Variants in ITFG1 observed in about 807,000 individuals in gnomAD.
ITFG1 encodes the protein integrin alpha FG-GAP repeat containing 1.
Under a neutral mutation model 81.8 loss-of-function variants are expected in ITFG1, and 34 were observed. That is an observed-to-expected ratio of 0.42 (90% confidence interval 0.32 to 0.55). The LOEUF (loss-of-function observed/expected upper bound fraction) is 0.55. ITFG1 is among the 20% of genes least tolerant of loss of function. The pLI, the probability that ITFG1 is intolerant of heterozygous loss-of-function variation, is 0.17. For synonymous variants in ITFG1, 285 were observed against 270.6 expected, an observed-to-expected ratio of 1.05 and a Z score of -0.52; for missense variants, 672 against 755.4, an observed-to-expected ratio of 0.89 and a Z score of 1.29.
chr16:47,339,209 G>A (rs189596317), intron 8 of ITFG1, among the ~76,000 whole-genome samples: 324 of 152,266 alleles, frequency 2.1e-3, no homozygotes, highest in African/African-American at 7.5e-3. Context: ...ATCTGTTGAT[G>A]GACTTCCATA....
intron 7 of ITFG1, among the ~76,000 whole-genome samples, chr16:47,367,335 ACTGGTGATTACTTTAAC>A (rs1968190111): frequency 6.6e-6 from 1 of 152,166 alleles, no homozygotes; most frequent in Non-Finnish European, 1.5e-5. Flanking sequence ...ACCGCTGGCC[ACTGGTGATTACTTTAAC>A]CTTCAGACTC....
chr16:47,357,993 A>G (rs1968063037), intron 8 of ITFG1, among the ~76,000 whole-genome samples: 1 of 152,226 alleles, frequency 6.6e-6, no homozygotes. Context: ...GCTACAAGGT[A>G]GAAACTCAGG....
chr16:47,440,543 C>T (rs549071797), intron 5 of ITFG1, among the ~76,000 whole-genome samples: 36 of 152,162 alleles, frequency 2.4e-4, no homozygotes, highest in African/African-American at 7.0e-4. Context: ...CACTCAAAAC[C>T]GCTCAACTAC....
chr16:47,368,471 C>T (rs942882047), intron 7 of ITFG1, among the ~76,000 whole-genome samples: 38 of 134,122 alleles, frequency 2.8e-4, no homozygotes, highest in African/African-American at 9.0e-4. Context: ...AGGAGAATCA[C>T]GTGAACCTGG....
At chr16:47,371,008 A>G (rs1175496084) in intron 7 of ITFG1, among the ~76,000 whole-genome samples, 1 of 152,236 alleles carries the variant, frequency 6.6e-6, no homozygotes, top group Non-Finnish European at 1.5e-5. Flanking sequence ...CTTTGACTGC[A>G]GCATTTCTTA....
chr16:47,372,466 T>TA (rs1968269698), intron 7 of ITFG1, among the ~76,000 whole-genome samples: 1 of 151,910 alleles, frequency 6.6e-6, no homozygotes, highest in Admixed American at 6.6e-5. Flanking sequence ...TTTTTTTTTT[T>TA]TTTATTTTTT....
intron 8 of ITFG1, among the ~76,000 whole-genome samples, chr16:47,323,398 C>T (rs1967478744): frequency 6.6e-6 from 1 of 152,052 alleles, no homozygotes; most frequent in Non-Finnish European, 1.5e-5. Flanking sequence ...GGCTCAGCCC[C>T]CTAGTAATTT....
intron 8 of ITFG1, among the ~76,000 whole-genome samples, chr16:47,325,328 T>G (rs1967518515): frequency 6.6e-6 from 1 of 152,196 alleles, no homozygotes. Flanking sequence ...CAAAGCAGTG[T>G]GTAGAGGGAA....
At chr16:47,402,373 T>C (rs1010502161) in intron 6 of ITFG1, among the ~76,000 whole-genome samples, 1 of 152,246 alleles carries the variant, frequency 6.6e-6, no homozygotes, top group African/African-American at 2.4e-5. Context: ...ATTCTTATTA[T>C]AGTTCTGTCA....
intron 10 of ITFG1, among the ~76,000 whole-genome samples, chr16:47,265,848 T>G (rs1966269260): frequency 6.6e-6 from 1 of 152,082 alleles, no homozygotes; most frequent in African/African-American, 2.4e-5. Context: ...CAACTATATA[T>G]TGCCTCCAAT....
chr16:47,350,118 A>T (rs183817350), intron 8 of ITFG1, among the ~76,000 whole-genome samples: 1 of 152,358 alleles, frequency 6.6e-6, no homozygotes, highest in African/African-American at 2.4e-5. Flanking sequence ...AGAAGGAAAG[A>T]TCTAAAATTG....
intron 6 of ITFG1, among the ~76,000 whole-genome samples, chr16:47,376,728 C>G (rs1256782603): frequency 6.6e-6 from 1 of 152,056 alleles, no homozygotes; most frequent in Non-Finnish European, 1.5e-5. Flanking sequence ...TGGCTCACGC[C>G]TATAATCGCA....
chr16:47,292,654 C>T (rs911892903), intron 10 of ITFG1, among the ~76,000 whole-genome samples: 1 of 152,046 alleles, frequency 6.6e-6, no homozygotes, highest in East Asian at 1.9e-4. Context: ...ATCCCTCAAC[C>T]CCCCTCACCC....
chr16:47,173,660 C>T (rs927895805), intron 14 of ITFG1, among the ~76,000 whole-genome samples: 2 of 152,208 alleles, frequency 1.3e-5, no homozygotes, highest in Admixed American at 1.3e-4. Flanking sequence ...CCACCAGATT[C>T]AAATGCCTGT....
At chr16:47,262,243 C>T (rs1011019009) in intron 10 of ITFG1, among the ~76,000 whole-genome samples, 1 of 152,168 alleles carries the variant, frequency 6.6e-6, no homozygotes, top group African/African-American at 2.4e-5. Context: ...CAGACCATAA[C>T]ATTTACTTGG....
chr16:47,264,739 G>A (rs1966256338), intron 10 of ITFG1, among the ~76,000 whole-genome samples: 1 of 152,092 alleles, frequency 6.6e-6, no homozygotes, highest in Non-Finnish European at 1.5e-5. Context: ...TTCCAACAAT[G>A]TATGAGCGTC....
At position 47,303,835 on chromosome 16, in the gene ITFG1, G is replaced by A. The variant is rs1057503519; in HGVS notation, c.1070+7405C>T. ...TGTAGAGATGGGGTCCCACTATGTT[G>A]CCCAGGCTGGTGTTGAACTTCTGGG... On this transcript the variant is annotated intron_variant, in intron 10 of 17. Coordinates refer to ENST00000320640, the MANE Select transcript of ITFG1 (RefSeq NM_030790.5). 2.6e-5 allele frequency among the ~76,000 whole-genome samples: 4 copies of A among 152,004 alleles called. No homozygotes were observed. The East Asian group carries it at 7.7e-4, about 29-fold the overall frequency.
chr16:47,157,297 C>T (rs187152772), intron 17 of ITFG1, among the ~76,000 whole-genome samples: 1 of 152,150 alleles, frequency 6.6e-6, no homozygotes, highest in Non-Finnish European at 1.5e-5. Context: ...GGGCCAGGGG[C>T]AGACACTGGG....
intron 8 of ITFG1, among the ~76,000 whole-genome samples, chr16:47,355,688 CA>C (rs1968030377): frequency 6.6e-6 from 1 of 152,056 alleles, no homozygotes; most frequent in South Asian, 2.1e-4. Flanking sequence ...CAAAAACCTA[CA>C]AAAAATTTAT....
Sources: gnomAD v4.1 joint callset for allele counts (sites outside exome capture counted in the v4.1 genomes callset) on GRCh38, gnomAD v4.1.1 for gene constraint, MANE v1.5 for transcripts, NCBI Gene and HGNC (gene_info 2026-07-23, HGNC 2026-07-21) for gene names.